The following ZBTB20 variants were observed in gnomAD, a reference collection of about 807,000 sequenced individuals.
ZBTB20 encodes zinc finger and BTB domain containing 20, also known as zinc finger and BTB domain-containing protein 20.
Under a neutral mutation model 56.9 loss-of-function variants are expected in ZBTB20, and 9 were observed. That is an observed-to-expected ratio of 0.16 (90% CI 0.10 to 0.28). ZBTB20 has a LOEUF of 0.28. Among genes scored for constraint, ZBTB20 ranks in the 10% least tolerant of loss-of-function variants. ZBTB20 has a pLI of 1.00. For missense variants in ZBTB20, 655 were observed against 1,003.0 expected (o/e 0.65, Z 4.69); for synonymous variants, 417 against 420.7 (o/e 0.99, Z 0.11).
intron 2 of ZBTB20, among the ~76,000 whole-genome samples, chr3:115,065,189 T>C (rs895846254): frequency 3.3e-5 from 5 of 152,198 alleles, no homozygotes; most frequent in Non-Finnish European, 7.3e-5. Context: ...TAAAAGCTTA[T>C]TTCAGTTATT....
chr3:114,839,797 C>A (rs1017091010), intron 4 of ZBTB20, among the ~76,000 whole-genome samples: 1 of 152,150 alleles, frequency 6.6e-6, no homozygotes, highest in Non-Finnish European at 1.5e-5. Flanking sequence ...AAGACAGAGG[C>A]ACAAACTGGA....
rs184868550 is a variant in ZBTB20 at position 114,808,856 on chromosome 3, G to A, written c.-416-7682C>T. Reference sequence around the variant, plus strand: ...TAAAGGATTTCCTTCAGTATTTCTGGTAAGGCAGGTCTACTAGCAACAAAT... The same window carrying A: ...TAAAGGATTTCCTTCAGTATTTCTGATAAGGCAGGTCTACTAGCAACAAAT... On this transcript the variant is annotated intron_variant, in intron 4 of 11. Transcript: ENST00000675478. 3.5e-3 allele frequency among the ~76,000 whole-genome samples: 532 copies of A among 152,020 alleles called. 1 individual carries two copies. Among genetic ancestry groups the A allele is most frequent in the South Asian group, 0.016 (76 of 4,818 alleles).
chr3:115,019,509 T>C (rs779761318), intron 2 of ZBTB20, among the ~76,000 whole-genome samples: 2 of 151,282 alleles, frequency 1.3e-5, no homozygotes, highest in African/African-American at 2.4e-5. Flanking sequence ...GCAGACTTAA[T>C]ACATACTGAA....
chr3:115,039,001 T>C (rs964462033), intron 2 of ZBTB20, among the ~76,000 whole-genome samples: 1 of 152,136 alleles, frequency 6.6e-6, no homozygotes, highest in African/African-American at 2.4e-5. Context: ...AATATCTCAA[T>C]GACCTGTTAC....
intron 6 of ZBTB20, among the ~76,000 whole-genome samples, chr3:114,537,675 A>G (rs527717276): frequency 6.6e-6 from 1 of 152,320 alleles, no homozygotes; most frequent in Admixed American, 6.5e-5. Flanking sequence ...TACTATAAAG[A>G]CACATGCACA....
At chr3:114,500,244 A>G (rs1474570147) in intron 7 of ZBTB20, 108 bp downstream of exon 7, 2 of 152,230 alleles carry the variant, frequency 1.3e-5, no homozygotes, top group African/African-American at 2.4e-5. Flanking sequence ...ACACTACAGA[A>G]GCACTAGAAA....
intron 5 of ZBTB20, among the ~76,000 whole-genome samples, chr3:114,776,040 T>C (rs1004460050): frequency 2.6e-5 from 4 of 151,118 alleles, no homozygotes; most frequent in East Asian, 1.9e-4. Context: ...TTCTTTTTTT[T>C]TTTTTTTTTA....
At chr3:114,536,019 T>C (rs2048417866) in intron 6 of ZBTB20, among the ~76,000 whole-genome samples, 1 of 152,200 alleles carries the variant, frequency 6.6e-6, no homozygotes, top group Non-Finnish European at 1.5e-5. Context: ...GGGCTATTTA[T>C]GACAAATCCA....
rs2078676228 is a variant in ZBTB20 at position 114,316,138 on chromosome 3, A to G, written c.*22867T>C. 4.0e-6 allele frequency: 1 copy of G among 252,486 alleles called. No individual in the cohort carries two copies. The highest frequency in any genetic ancestry group is 7.6e-6 in the Non-Finnish European group (1 of 131,548). The allele number at this position is 252,486 out of a possible 1,614,324, so 15.6% of individuals were successfully genotyped here. Reference sequence around the variant, plus strand: ...GGTGACGAGTTTAAAAATGTTTTTCATAGCCAGAAACTGAAATCAAATCAA... The same window carrying G: ...GGTGACGAGTTTAAAAATGTTTTTCGTAGCCAGAAACTGAAATCAAATCAA... On this transcript the variant is annotated 3_prime_UTR_variant, in exon 12 of 12. Coordinates refer to ENST00000675478, the MANE Select transcript of ZBTB20 (RefSeq NM_001348800.3).
At chr3:114,510,416 T>G (rs1275294762) in intron 6 of ZBTB20, among the ~76,000 whole-genome samples, 2 of 152,104 alleles carry the variant, frequency 1.3e-5, no homozygotes, top group African/African-American at 4.8e-5. Context: ...AGTCTGCACA[T>G]GCATGGTTCC....
Position 114,727,914 on chromosome 3 carries a change from T to C in ZBTB20, c.-342-34339A>G, listed in dbSNP as rs139761271. 1.6e-4 allele frequency among the ~76,000 whole-genome samples: 24 copies of C among 152,122 alleles called. No homozygotes were observed. The East Asian group carries it at 3.5e-3, about 22-fold the overall frequency. ...TAAGCACCATGGGCCCAGATCCCCATAGTTACAAAGGATAAGAATTTGTCT... is the reference window on the plus strand; with the variant it reads ...TAAGCACCATGGGCCCAGATCCCCACAGTTACAAAGGATAAGAATTTGTCT... On this transcript the variant is annotated intron_variant, in intron 5 of 11. Coordinates refer to ENST00000675478, the MANE Select transcript of ZBTB20 (RefSeq NM_001348800.3).
chr3:115,118,274 C>A (rs1560586099), intron 1 of ZBTB20, among the ~76,000 whole-genome samples: 1 of 151,994 alleles, frequency 6.6e-6, no homozygotes, highest in African/African-American at 2.4e-5. Flanking sequence ...AACTTAACTG[C>A]AGACTCAAAC....
rs565728245 is a variant in ZBTB20 at position 114,408,524 on chromosome 3, G to T, written c.-254-19419C>A. 3.3e-5 allele frequency among the ~76,000 whole-genome samples: 5 copies of T among 151,382 alleles called. No homozygotes were observed. The East Asian group carries it at 5.8e-4, about 18-fold the overall frequency. ...ATACCCTCCCTTCCTTTCTTCTAGT[G>T]ATTTTTTTTTTTGTATTGGAACAAT... On this transcript the variant is annotated intron_variant, in intron 7 of 11. Transcript: ENST00000675478.
intron 6 of ZBTB20, among the ~76,000 whole-genome samples, chr3:114,533,423 T>G (rs1034715372): frequency 1.3e-5 from 2 of 151,742 alleles, no homozygotes; most frequent in Non-Finnish European, 2.9e-5. Flanking sequence ...AAATAAAGCA[T>G]GAAGACAAGG....
intron 2 of ZBTB20, among the ~76,000 whole-genome samples, chr3:115,025,056 A>G (rs1006611538): frequency 2.0e-5 from 3 of 151,132 alleles, no homozygotes; most frequent in African/African-American, 7.3e-5. Flanking sequence ...TATTAAGCCA[A>G]GTATCCATTA....
Position 114,326,384 on chromosome 3 carries a change from AG to A in ZBTB20, c.*12620del, listed in dbSNP as rs2079065648. On this transcript the variant is annotated 3_prime_UTR_variant, in exon 12 of 12. Coordinates refer to ENST00000675478, the MANE Select transcript of ZBTB20 (RefSeq NM_001348800.3). ...AAATACGGTTTCTTTCTCAAGGAAC[AG>A]GTTTTTGTTTTAACTGTTCTATCCT... The A allele has an allele frequency of 6.6e-6, 1 of 152,212 alleles. No individual in the cohort carries two copies. The highest frequency in any genetic ancestry group is 2.4e-5 in the African/African-American group (1 of 41,464). The allele number at this position is 152,212 out of a possible 1,614,324, so 9.4% of individuals were successfully genotyped here. A position where few individuals can be genotyped will look rare whatever the true frequency, so the allele number is the denominator to read the frequency against.
intron 7 of ZBTB20, among the ~76,000 whole-genome samples, chr3:114,445,115 A>G (rs1311553359): frequency 6.6e-6 from 1 of 152,198 alleles, no homozygotes; most frequent in Non-Finnish European, 1.5e-5. Flanking sequence ...TAGCATAACA[A>G]GTTGCTATAA....
At chr3:114,537,249 G>T (rs1450966910) in intron 6 of ZBTB20, among the ~76,000 whole-genome samples, 4 of 151,882 alleles carry the variant, frequency 2.6e-5, no homozygotes. Context: ...TCTAACAAAG[G>T]GCTAATATCC....
intron 6 of ZBTB20, among the ~76,000 whole-genome samples, chr3:114,535,896 C>T (rs577427289): frequency 2.0e-5 from 3 of 152,104 alleles, no homozygotes; most frequent in Non-Finnish European, 1.5e-5. Flanking sequence ...ATGACAAAAG[C>T]CACATGATTA....
Sources: gnomAD v4.1 joint callset for allele counts (sites outside exome capture counted in the v4.1 genomes callset) on GRCh38, gnomAD v4.1.1 for gene constraint, MANE v1.5 for transcripts, NCBI Gene and HGNC (gene_info 2026-07-23, HGNC 2026-07-21) for gene names.